Variants in ERP44 observed in about 807,000 individuals in gnomAD.
ERP44 encodes endoplasmic reticulum resident protein 44.
ERP44 carries 25 observed loss-of-function variants against 53.4 expected under a neutral mutation model. The ratio of observed to expected loss-of-function variants is 0.47; its 90% CI spans 0.34 to 0.65. ERP44 has a LOEUF of 0.65. Ranked by LOEUF, ERP44 falls within the 30% of genes least tolerant of loss-of-function variation. The probability of loss-of-function intolerance (pLI) is 0.01; values close to 1 mark genes in which losing one functional copy is unlikely to be tolerated. For missense variants in ERP44, 338 were observed against 493.2 expected (o/e 0.69, Z 2.98); for synonymous variants, 145 against 161.2 (o/e 0.90, Z 0.76).
intron 6 of ERP44, among the ~76,000 whole-genome samples, chr9:100,018,853 G>C (rs887405305): frequency 3.9e-5 from 6 of 152,140 alleles, no homozygotes; most frequent in African/African-American, 7.2e-5. Context: ...CCAGGAGATA[G>C]AGGCAAGGGG....
intron 11 of ERP44, among the ~76,000 whole-genome samples, chr9:99,983,628 GCCTGATTGTTCT>G (rs1830171453): frequency 6.6e-6 from 1 of 151,400 alleles, no homozygotes; most frequent in Non-Finnish European, 1.5e-5. Context: ...TCAAGAGCAG[GCCTGATTGTTCT>G]CCTCATTTTA....
intron 1 of ERP44, among the ~76,000 whole-genome samples, chr9:100,093,445 A>G (rs1564108068): frequency 6.6e-6 from 1 of 152,176 alleles, no homozygotes; most frequent in African/African-American, 2.4e-5. Context: ...GGAGTTCGAG[A>G]CCAGCCTGGG....
rs546626559 is a variant in ERP44, at chr9:100,075,974, G to A, written c.58-15802C>T. Among the ~76,000 whole-genome samples, 7 of 152,168 alleles carry A rather than the reference G, an allele frequency of 4.6e-5. No individual in the cohort carries two copies. The South Asian group carries it at 1.5e-3, about 32-fold the overall frequency. On this transcript the variant is annotated intron_variant, in intron 1 of 11. Transcript: ENST00000262455. ...GTGCTTGAGGTCTCAGTGGCAGATA[G>A]GGATGCTGTCTGCAGCCTTTGTCAG...
intron 4 of ERP44, among the ~76,000 whole-genome samples, chr9:100,044,502 A>AACCTC (rs1825947301): frequency 6.6e-6 from 1 of 152,196 alleles, no homozygotes; most frequent in Non-Finnish European, 1.5e-5. Flanking sequence ...ACAACCACAC[A>AACCTC]GAGAACTGTG....
rs35906540 is a variant in ERP44 at position 100,001,812 on chromosome 9, A to G, written c.1016+4694T>C. ...TGACTGGAGAATTTAAGACATTTACATTCAAATTAATTATTGATGGGTAAA... is the reference window on the plus strand; with the variant it reads ...TGACTGGAGAATTTAAGACATTTACGTTCAAATTAATTATTGATGGGTAAA... On this transcript the variant is annotated intron_variant, in intron 10 of 11. Coordinates refer to ENST00000262455, the MANE Select transcript of ERP44 (RefSeq NM_015051.3). Among the ~76,000 whole-genome samples, 1,455 of 152,304 alleles carry G rather than the reference A, an allele frequency of 9.6e-3. 14 individuals carry two copies. The highest frequency in any genetic ancestry group is 0.012 in the African/African-American group (479 of 41,572).
chr9:100,081,615 G>A (rs985771263), intron 1 of ERP44, among the ~76,000 whole-genome samples: 11 of 151,872 alleles, frequency 7.2e-5, no homozygotes, highest in Non-Finnish European at 4.4e-5. Context: ...TGCTAAAAAG[G>A]TATTTGACAA....
intron 2 of ERP44, among the ~76,000 whole-genome samples, chr9:100,059,837 G>C (rs141833003): frequency 0.014 from 2,103 of 152,254 alleles, 18 homozygotes; most frequent in Non-Finnish European, 0.022. Context: ...GTTCTGCACA[G>C]TGAGAACTAT....
At position 100,003,123 on chromosome 9, in the gene ERP44, ATTTG is replaced by A. The variant is rs572739867; in HGVS notation, c.1016+3379_1016+3382del. Among the ~76,000 whole-genome samples, 36 of 152,228 alleles carry A rather than the reference ATTTG, an allele frequency of 2.4e-4. No individual in the cohort carries two copies. The South Asian group carries it at 2.5e-3, about 11-fold the overall frequency. ...ATTCATTGTGTTCTTCAGCTCTAGA[ATTTG>A]TTTAATTTTTAAGAAATATATAATT... On this transcript the variant is annotated intron_variant, in intron 10 of 11. Coordinates refer to ENST00000262455, the MANE Select transcript of ERP44 (RefSeq NM_015051.3).
intron 10 of ERP44, among the ~76,000 whole-genome samples, chr9:99,989,712 G>A (rs542665663): frequency 1.8e-4 from 27 of 152,222 alleles, no homozygotes; most frequent in South Asian, 8.3e-4. Context: ...TCAGAAGGTC[G>A]GTAATAACAA....
chr9:100,051,792 C>T (rs182147131), intron 4 of ERP44, among the ~76,000 whole-genome samples: 74 of 152,072 alleles, frequency 4.9e-4, no homozygotes, highest in East Asian at 2.7e-3. Flanking sequence ...TTCATGTATA[C>T]GAAAAACCAT....
chr9:100,067,952 G>A (rs1336245179), intron 1 of ERP44, among the ~76,000 whole-genome samples: 1 of 151,072 alleles, frequency 6.6e-6, no homozygotes. Context: ...GAGCGTCTCC[G>A]CCCGGCAGCC....
intron 4 of ERP44, among the ~76,000 whole-genome samples, chr9:100,043,483 A>T (rs1474677420): frequency 6.6e-6 from 1 of 151,976 alleles, no homozygotes; most frequent in Non-Finnish European, 1.5e-5. Flanking sequence ...GGCCTGGCGC[A>T]GTGGCTCACG....
At chr9:100,015,636 T>C (rs1830518919) in intron 8 of ERP44, among the ~76,000 whole-genome samples, 1 of 152,236 alleles carries the variant, frequency 6.6e-6, no homozygotes, top group South Asian at 2.1e-4. Flanking sequence ...GGATTATTCA[T>C]TGTATAGAAA....
chr9:100,033,164 G>A (rs527861256), intron 4 of ERP44, among the ~76,000 whole-genome samples: 14 of 152,308 alleles, frequency 9.2e-5, no homozygotes, highest in Admixed American at 2.6e-4. Context: ...TTGCATAAGT[G>A]CAATAAGAAT....
In ERP44 at chr9:100,052,548, G is replaced by C; in HGVS notation, c.171-16C>G. 1 of 1,399,704 alleles carries C rather than the reference G, an allele frequency of 7.1e-7. No homozygotes were observed. Among genetic ancestry groups the C allele is most frequent in the Non-Finnish European group, 9.9e-7 (1 of 1,011,762 alleles). The allele number at this position is 1,399,704 out of a possible 1,614,324, so 86.7% of individuals were successfully genotyped here. On this transcript the variant is annotated splice_polypyrimidine_tract_variant and intron_variant, in intron 3 of 11. Transcript: ENST00000262455. ...GAAACGACACCTATACACAGAGAAG[G>C]ATGCCAATTAGAAATGAAAAGCAGA...
chr9:99,990,185 C>T (rs1446714872), intron 10 of ERP44, among the ~76,000 whole-genome samples: 2 of 152,150 alleles, frequency 1.3e-5, no homozygotes, highest in African/African-American at 4.8e-5. Context: ...AAAGATACTC[C>T]TCGACAAGAG....
intron 1 of ERP44, among the ~76,000 whole-genome samples, chr9:100,090,129 T>G (rs1826534496): frequency 6.6e-6 from 1 of 152,180 alleles, no homozygotes; most frequent in Non-Finnish European, 1.5e-5. Context: ...TCCATTTGAG[T>G]AGCTGTTTTC....
At chr9:100,061,905 T>C (rs1252011329) in intron 1 of ERP44, among the ~76,000 whole-genome samples, 3 of 152,198 alleles carry the variant, frequency 2.0e-5, no homozygotes, top group African/African-American at 7.2e-5. Flanking sequence ...CTCCAAAATA[T>C]GGCACATTGG....
At chr9:100,036,033 C>G (rs1473595787) in intron 4 of ERP44, among the ~76,000 whole-genome samples, 7 of 152,186 alleles carry the variant, frequency 4.6e-5, no homozygotes, top group African/African-American at 1.7e-4. Flanking sequence ...ACCCAGCAAT[C>G]CCATTACTGG....
Sources: gnomAD v4.1 joint callset for allele counts (sites outside exome capture counted in the v4.1 genomes callset) on GRCh38, gnomAD v4.1.1 for gene constraint, MANE v1.5 for transcripts, NCBI Gene and HGNC (gene_info 2026-07-23, HGNC 2026-07-21) for gene names.